The following TAOK1 variants were observed in gnomAD, a reference collection of about 807,000 sequenced individuals.
The protein encoded by TAOK1 is TAO kinase 1, also known as serine/threonine-protein kinase TAO1.
A neutral mutation model predicts 138.3 loss-of-function variants in TAOK1; 21 were observed. The observed-to-expected ratio is 0.15, with a 90% confidence interval of 0.11 to 0.22. The LOEUF (loss-of-function observed/expected upper bound fraction) is 0.22. TAOK1 is among the 10% of genes least tolerant of loss of function. The pLI, the probability that TAOK1 is intolerant of heterozygous loss-of-function variation, is 1.00. For synonymous variants in TAOK1, 361 were observed against 398.4 expected, an observed-to-expected ratio of 0.91 and a Z score of 1.12; for missense variants, 651 against 1,227.7, an observed-to-expected ratio of 0.53 and a Z score of 7.02.
chr17:29,464,638 A>G (rs2030612473), intron 2 of TAOK1, among the ~76,000 whole-genome samples: 1 of 152,120 alleles, frequency 6.6e-6, no homozygotes. Flanking sequence ...GCTCACAGGT[A>G]GGTGAGTAGA....
chr17:29,501,383 A>T, intron 12 of TAOK1, among the ~76,000 whole-genome samples: 1 of 151,186 alleles, frequency 6.6e-6, no homozygotes, highest in East Asian at 1.9e-4. Flanking sequence ...TGATCATACC[A>T]CTGCACTGCA....
At chr17:29,397,305 TAAA>T (rs541343816) in intron 1 of TAOK1, among the ~76,000 whole-genome samples, 188 of 132,692 alleles carry the variant, frequency 1.4e-3, no homozygotes, top group African/African-American at 4.5e-3. Flanking sequence ...AAGAAAATAA[TAAA>T]AAAGTTAAAA....
intron 18 of TAOK1, 133 bp from the exon 19 acceptor site, chr17:29,533,985 C>G: frequency 1.1e-6 from 1 of 928,648 alleles, no homozygotes; most frequent in Non-Finnish European, 1.5e-6. Context: ...CTCCAAGATA[C>G]AAGAGAGAAA....
chr17:29,434,608 A>G (rs1905967462), intron 1 of TAOK1, among the ~76,000 whole-genome samples: 2 of 152,136 alleles, frequency 1.3e-5, no homozygotes, highest in Admixed American at 1.3e-4. Context: ...TCGAGACAAT[A>G]GGAATTATTT....
chr17:29,435,633 T>A (rs1009790234), intron 1 of TAOK1, among the ~76,000 whole-genome samples: 1 of 152,314 alleles, frequency 6.6e-6, no homozygotes, highest in South Asian at 2.1e-4. Context: ...GTACAAGGAC[T>A]GCGAAGATGA....
At chr17:29,511,030 C>T (rs2031710874) in intron 15 of TAOK1, 38 bp downstream of exon 15, 1 of 1,560,860 alleles carries the variant, frequency 6.4e-7, no homozygotes, top group Non-Finnish European at 8.6e-7. Context: ...AAATTTTCTG[C>T]TTATTAATTA....
At chr17:29,525,156 A>G (rs535826332) in intron 17 of TAOK1, among the ~76,000 whole-genome samples, 1 of 152,022 alleles carries the variant, frequency 6.6e-6, no homozygotes, top group Admixed American at 6.6e-5. Context: ...CTTATTGCCC[A>G]GGCTGGAATG....
rs903967898 is a variant in TAOK1, at chr17:29,546,284, A to G, written c.*3262A>G. ...TTGTTGGTAAATGGAACATTTTAGC[A>G]TAGTCATGATTTTTGGTTGCCTAGA... On this transcript the variant is annotated 3_prime_UTR_variant, in exon 20 of 20. Transcript: ENST00000261716. 6.6e-6 allele frequency: 1 copy of G among 152,090 alleles called. No individual in the cohort carries two copies. The highest frequency in any genetic ancestry group is 1.5e-5 in the Non-Finnish European group (1 of 67,970). The allele number at this position is 152,090 out of a possible 1,614,324, so 9.4% of individuals were successfully genotyped here. A position where few individuals can be genotyped will look rare whatever the true frequency, so the allele number is the denominator to read the frequency against.
intron 2 of TAOK1, among the ~76,000 whole-genome samples, chr17:29,453,223 G>T (rs998024535): frequency 6.8e-6 from 1 of 146,392 alleles, no homozygotes; most frequent in East Asian, 2.0e-4. Context: ...GCAATGGCAC[G>T]ATCTCGGCTC....
At chr17:29,430,465 A>C (rs1905790308) in intron 1 of TAOK1, among the ~76,000 whole-genome samples, 1 of 152,218 alleles carries the variant, frequency 6.6e-6, no homozygotes, top group African/African-American at 2.4e-5. Flanking sequence ...CGCATCTGCA[A>C]AAAGCAACCA....
chr17:29,415,465 A>C (rs1905246406), intron 1 of TAOK1, among the ~76,000 whole-genome samples: 1 of 152,180 alleles, frequency 6.6e-6, no homozygotes, highest in South Asian at 2.1e-4. Context: ...ACCACCAAAA[A>C]TATATGAAGG....
intron 15 of TAOK1, chr17:29,515,098 T>G (rs1162988548): frequency 6.6e-6 from 1 of 152,162 alleles, no homozygotes; most frequent in South Asian, 2.1e-4. Context: ...TTGAGATAGT[T>G]TATGAGCTGG....
At chr17:29,541,175 T>A (rs1349838377) in intron 19 of TAOK1, among the ~76,000 whole-genome samples, 1 of 151,896 alleles carries the variant, frequency 6.6e-6, no homozygotes, top group Non-Finnish European at 1.5e-5. Flanking sequence ...AGTGGTGTGA[T>A]CTCTGCTCAC....
At chr17:29,452,732 A>G (rs2030269767) in intron 2 of TAOK1, among the ~76,000 whole-genome samples, 1 of 152,186 alleles carries the variant, frequency 6.6e-6, no homozygotes, top group South Asian at 2.1e-4. Context: ...GGAGTCAAAC[A>G]ATATTTATTC....
chr17:29,401,312 T>C (rs1418488157), intron 1 of TAOK1, among the ~76,000 whole-genome samples: 2 of 152,174 alleles, frequency 1.3e-5, no homozygotes, highest in East Asian at 1.9e-4. Flanking sequence ...TTTAATGTGC[T>C]CACGGTTCTG....
intron 1 of TAOK1, among the ~76,000 whole-genome samples, chr17:29,409,308 C>CATATATATATATAT (rs1183993280): frequency 1.0e-4 from 8 of 79,494 alleles, no homozygotes; most frequent in African/African-American, 4.6e-4. Flanking sequence ...TTTTTATGGA[C>CATATATATATATAT]ATATATATAT....
In TAOK1 at chr17:29,543,060, T is replaced by A; in HGVS notation, c.*38T>A. 1 of 1,490,704 alleles carries A rather than the reference T, an allele frequency of 6.7e-7. No homozygotes were observed. The highest frequency in any genetic ancestry group is 1.3e-5 in the South Asian group (1 of 75,212). The allele number at this position is 1,490,704 out of a possible 1,614,324, so 92.3% of individuals were successfully genotyped here. On this transcript the variant is annotated 3_prime_UTR_variant, in exon 20 of 20. Transcript: ENST00000261716. ...GAGTGGCAATTCCGCTGGAGCTGTC[T>A]GCCAAAAGAAACTGCCTACAGACAT... is the stretch of plus-strand genomic sequence containing the variant.
intron 1 of TAOK1, among the ~76,000 whole-genome samples, chr17:29,418,302 G>C (rs1905318800): frequency 2.0e-5 from 3 of 152,160 alleles, no homozygotes; most frequent in Admixed American, 1.3e-4. Flanking sequence ...TCACATCTCA[G>C]ACTCCTTAGT....
chr17:29,463,861 C>T (rs996841317), intron 2 of TAOK1, among the ~76,000 whole-genome samples: 5 of 152,092 alleles, frequency 3.3e-5, no homozygotes, highest in African/African-American at 7.2e-5. Context: ...ACTCTTACAA[C>T]TCAATAATAA....
Sources: allele counts gnomAD v4.1 joint callset (sites outside exome capture counted in the v4.1 genomes callset), GRCh38; gene constraint gnomAD v4.1.1; transcripts MANE v1.5; gene names NCBI Gene and HGNC (gene_info 2026-07-23, HGNC 2026-07-21).